The following ZNF385B variants were observed in gnomAD, a reference collection of about 807,000 sequenced individuals.
ZNF385B encodes zinc finger protein 533.
In ZNF385B, 23 loss-of-function variants were observed where a neutral mutation model predicts 39.2. That is an observed-to-expected ratio of 0.59 (90% CI 0.42 to 0.83). The LOEUF is 0.83. Ranked by LOEUF, ZNF385B falls within the 40% of genes least tolerant of loss-of-function variation. The pLI, the probability that ZNF385B is intolerant of heterozygous loss-of-function variation, is 0.00. For synonymous variants in ZNF385B, 205 were observed against 222.6 expected (o/e 0.92, Z 0.70); for missense variants, 552 against 598.9 (o/e 0.92, Z 0.82).
intron 6 of ZNF385B, among the ~76,000 whole-genome samples, chr2:179,477,647 G>A (rs1343167385): frequency 6.6e-6 from 1 of 152,146 alleles, no homozygotes; most frequent in Non-Finnish European, 1.5e-5. Flanking sequence ...ATGCTGCAAT[G>A]CCCTGTCTCA....
chr2:179,665,834 A>T (rs1176114591), intron 3 of ZNF385B, among the ~76,000 whole-genome samples: 7 of 146,354 alleles, frequency 4.8e-5, no homozygotes, highest in African/African-American at 1.3e-4. Context: ...CTTTTCATTT[A>T]AAAAAAAATC....
intron 3 of ZNF385B, among the ~76,000 whole-genome samples, chr2:179,639,166 C>T (rs957665723): frequency 2.3e-5 from 3 of 132,870 alleles, no homozygotes; most frequent in Non-Finnish European, 4.6e-5. Flanking sequence ...AGGTTAAGGC[C>T]GCAGTGAGCC....
intron 3 of ZNF385B, among the ~76,000 whole-genome samples, chr2:179,636,316 A>G (rs1691747331): frequency 6.6e-6 from 1 of 152,172 alleles, no homozygotes; most frequent in African/African-American, 2.4e-5. Context: ...AGAATCTAGA[A>G]GCCATTCCTT....
At chr2:179,834,323 G>C (rs1418658239) in intron 1 of ZNF385B, among the ~76,000 whole-genome samples, 1 of 152,098 alleles carries the variant, frequency 6.6e-6, no homozygotes. Context: ...AGCAGGGAAA[G>C]TACAAAGTGA....
intron 1 of ZNF385B, among the ~76,000 whole-genome samples, chr2:179,820,684 A>G (rs1313716364): frequency 6.6e-6 from 1 of 152,084 alleles, no homozygotes; most frequent in Non-Finnish European, 1.5e-5. Context: ...AATAATTTTG[A>G]CATGAAACTT....
chr2:179,810,133 G>A (rs1160882549), intron 1 of ZNF385B, among the ~76,000 whole-genome samples: 1 of 151,718 alleles, frequency 6.6e-6, no homozygotes, highest in Admixed American at 6.6e-5. Context: ...TGTCTTCTTA[G>A]GGGAATTTAT....
rs575152242 is a variant in ZNF385B, at chr2:179,451,163, G to C, written c.716-4393C>G. On this transcript the variant is annotated intron_variant, in intron 6 of 9. Coordinates refer to ENST00000410066, the MANE Select transcript of ZNF385B (RefSeq NM_152520.6). Reference sequence around the variant, plus strand: ...ATACCTAATGTTAAATGACGAGTTAGTGGGTTCAGCACACCAACATGGCAC... The same window carrying C: ...ATACCTAATGTTAAATGACGAGTTACTGGGTTCAGCACACCAACATGGCAC... Among the ~76,000 whole-genome samples the C allele has an allele frequency of 6.0e-5, 9 of 150,902 alleles. No individual in the cohort carries two copies. In the East Asian group the frequency reaches 1.8e-3, roughly 29 times the overall value.
intron 1 of ZNF385B, among the ~76,000 whole-genome samples, chr2:179,788,526 A>G (rs1705139943): frequency 6.6e-6 from 1 of 152,168 alleles, no homozygotes; most frequent in Non-Finnish European, 1.5e-5. Context: ...TTTGGTGGGT[A>G]TGATATGGCT....
At chr2:179,777,491 T>C (rs1234858306) in intron 1 of ZNF385B, among the ~76,000 whole-genome samples, 1 of 152,136 alleles carries the variant, frequency 6.6e-6, no homozygotes, top group Admixed American at 6.5e-5. Context: ...GAAATACACA[T>C]ATCTATAAAC....
intron 3 of ZNF385B, among the ~76,000 whole-genome samples, chr2:179,583,360 G>A (rs1337357400): frequency 6.6e-6 from 1 of 152,130 alleles, no homozygotes; most frequent in Non-Finnish European, 1.5e-5. Context: ...CTGTGCTTCT[G>A]TGTCAAATGC....
At chr2:179,605,281 A>T (rs1558970844) in intron 3 of ZNF385B, among the ~76,000 whole-genome samples, 1 of 152,134 alleles carries the variant, frequency 6.6e-6, no homozygotes, top group Non-Finnish European at 1.5e-5. Context: ...TTAAAATAGG[A>T]TATCAAGACA....
rs376254428 is a variant in ZNF385B, at chr2:179,593,757, A to C, written c.299-48788T>G. Among the ~76,000 whole-genome samples the C allele has an allele frequency of 6.1e-4, 93 of 152,320 alleles. 3 individuals carry two copies. The South Asian group carries it at 0.019, about 32-fold the overall frequency. On this transcript the variant is annotated intron_variant, in intron 3 of 9. Transcript: ENST00000410066. The stretch of plus-strand genomic sequence containing the variant: ...CATCCTTTAACTCATCCAAGTTATA[A>C]CTAGGGTGACGATGTAATTTATTAT...
chr2:179,485,176 A>C (rs139495076), intron 5 of ZNF385B, among the ~76,000 whole-genome samples: 21 of 152,352 alleles, frequency 1.4e-4, no homozygotes, highest in African/African-American at 4.8e-4. Flanking sequence ...AGCAGAAAGA[A>C]TATATGATTC....
chr2:179,524,672 A>G (rs2058771583), intron 4 of ZNF385B, among the ~76,000 whole-genome samples: 1 of 152,036 alleles, frequency 6.6e-6, no homozygotes, highest in African/African-American at 2.4e-5. Flanking sequence ...GAAAATGAGT[A>G]AAACACAAAA....
chr2:179,458,505 T>C (rs886936079), intron 6 of ZNF385B, among the ~76,000 whole-genome samples: 1 of 152,206 alleles, frequency 6.6e-6, no homozygotes, highest in Admixed American at 6.5e-5. Context: ...GAGAACCAGA[T>C]AAATAAGTCT....
intron 3 of ZNF385B, among the ~76,000 whole-genome samples, chr2:179,599,322 C>T (rs1305577863): frequency 6.6e-6 from 1 of 152,078 alleles, no homozygotes; most frequent in Non-Finnish European, 1.5e-5. Flanking sequence ...GACTTAATGT[C>T]AAGTTTGTGT....
chr2:179,786,513 T>C (rs1327797558), intron 1 of ZNF385B, among the ~76,000 whole-genome samples: 1 of 152,044 alleles, frequency 6.6e-6, no homozygotes, highest in Non-Finnish European at 1.5e-5. Flanking sequence ...GTCTGATTCC[T>C]GGGTTGTAGG....
At chr2:179,583,358 C>T (rs1686752253) in intron 3 of ZNF385B, among the ~76,000 whole-genome samples, 2 of 152,110 alleles carry the variant, frequency 1.3e-5, no homozygotes, top group Non-Finnish European at 2.9e-5. Context: ...GGCTGTGCTT[C>T]TGTGTCAAAT....
intron 1 of ZNF385B, among the ~76,000 whole-genome samples, chr2:179,859,391 T>C (rs1159687356): frequency 6.6e-6 from 1 of 152,238 alleles, no homozygotes; most frequent in Non-Finnish European, 1.5e-5. Context: ...TTAGTGGTTA[T>C]TAAACTTCTA....
Sources: allele counts gnomAD v4.1 joint callset (sites outside exome capture counted in the v4.1 genomes callset), GRCh38; gene constraint gnomAD v4.1.1; transcripts MANE v1.5; gene names NCBI Gene and HGNC (gene_info 2026-07-23, HGNC 2026-07-21).